ZIC3: variants seen among roughly 807,000 people sequenced by gnomAD.
ZIC3 encodes zinc finger protein ZIC 3.
ZIC3 carries 6 observed loss-of-function variants against 18.3 expected under a neutral mutation model. That is an observed-to-expected ratio of 0.33 (90% confidence interval 0.18 to 0.65). The LOEUF (loss-of-function observed/expected upper bound fraction) is 0.65. Among genes scored for constraint, ZIC3 ranks in the 30% least tolerant of loss-of-function variants. ZIC3 has a pLI of 0.75. For synonymous variants in ZIC3, 175 were observed against 177.0 expected, an observed-to-expected ratio of 0.99 and a Z score of 0.09; for missense variants, 260 against 410.0, an observed-to-expected ratio of 0.63 and a Z score of 3.16.
At chrX:137,572,896 T>TTA (rs1217941291), downstream of ZIC3, among the ~76,000 whole-genome samples, 7 of 111,409 alleles carry the variant, frequency 6.3e-5, no homozygotes, top group African/African-American at 2.3e-4. Context: ...TGAAAAACAA[T>TTA]TATGATAACC....
downstream of ZIC3, chrX:137,574,144 G>T (rs1321998825): frequency 8.8e-6 from 1 of 113,633 alleles, no homozygotes; most frequent in Non-Finnish European, 1.9e-5. Flanking sequence ...CCACTGCGTA[G>T]CGCTGGCCGC....
At chrX:137,577,271 A>G (rs887794279) in exon 3 of ZIC3, 1 of 514,883 alleles carries the variant, frequency 1.9e-6, no homozygotes, top group South Asian at 2.6e-5. Context: ...TGATTTACTG[A>G]TGAGGTTTCA....
chrX:137,574,502 C>T (rs780194240), downstream of ZIC3, among the ~76,000 whole-genome samples: 3 of 113,596 alleles, frequency 2.6e-5, no homozygotes, highest in South Asian at 1.1e-3. Context: ...CAACCCCTCC[C>T]CCGCTTCCCC....
At chrX:137,576,711 C>T (rs774212246), downstream of ZIC3, among the ~76,000 whole-genome samples, 30 of 112,430 alleles carry the variant, frequency 2.7e-4, no homozygotes, top group Admixed American at 1.6e-3. Flanking sequence ...ATTAGAGAAA[C>T]TTGTTTCAAA....
chrX:137,572,886 T>C (rs1279508540), downstream of ZIC3, among the ~76,000 whole-genome samples: 1 of 111,592 alleles, frequency 9.0e-6, no homozygotes, highest in Non-Finnish European at 1.9e-5. Flanking sequence ...ATCAATTAAA[T>C]GAAAAACAAT....
chrX:137,577,271 A>T (rs887794279), exon 3 of ZIC3: 2 of 513,040 alleles, frequency 3.9e-6, no homozygotes, highest in African/African-American at 2.3e-5. Flanking sequence ...TGATTTACTG[A>T]TGAGGTTTCA....
At chrX:137,569,140 C>G in intron 2 of ZIC3, 75 bp downstream of exon 2, 6 of 1,121,784 alleles carry the variant, frequency 5.3e-6, no homozygotes, top group Non-Finnish European at 7.3e-6. Flanking sequence ...CGGAAGCGCC[C>G]GCGCTGCCAA....
chrX:137,574,983 G>A (rs1359466417), downstream of ZIC3, among the ~76,000 whole-genome samples: 1 of 111,647 alleles, frequency 9.0e-6, no homozygotes, highest in Non-Finnish European at 1.9e-5. Context: ...TTGGGTTTGG[G>A]GTTCCCATGG....
In ZIC3 at chrX:137,566,960, A is replaced by AT. The variant is rs1252399069; in HGVS notation, c.269_270insT (p.His91ProfsTer39). On this transcript the variant is annotated frameshift_variant, in exon 1 of 3. Transcript: ENST00000287538. LOFTEE classifies it high-confidence loss of function. ...GCCAACGCCCTGGGCCACCATCACC[A>AT]CCACCATCACCATCATCACCACACC... is the stretch of plus-strand genomic sequence containing the variant. The AT allele has an allele frequency of 6.0e-6, 7 of 1,165,666 alleles. No individual in the cohort carries two copies. The African/African-American group carries it at 1.2e-4, about 21-fold the overall frequency.
rs1685669875 is a variant in ZIC3 at position 137,570,384 on chromosome X, T to G, written c.*314T>G. 1 of 291,733 alleles carries G rather than the reference T, an allele frequency of 3.4e-6. No individual in the cohort carries two copies. Among genetic ancestry groups the G allele is most frequent in the African/African-American group, 2.7e-5 (1 of 37,232 alleles). 24.0% of individuals were successfully genotyped at this position (291,733 alleles called of 1,213,427 possible). A position where few individuals can be genotyped will look rare whatever the true frequency, so the allele number is the denominator to read the frequency against. On this transcript the variant is annotated 3_prime_UTR_variant, in exon 3 of 3. Transcript: ENST00000287538. Reference sequence around the variant, plus strand: ...CAATTCATTTTAACACTTGTCCTGTTTCTTGAGAGGAAGTTATAGAAGGCT... The same window carrying G: ...CAATTCATTTTAACACTTGTCCTGTGTCTTGAGAGGAAGTTATAGAAGGCT...
At chrX:137,572,381 T>G (rs1456871920), downstream of ZIC3, among the ~76,000 whole-genome samples, 2 of 111,883 alleles carry the variant, frequency 1.8e-5, no homozygotes, top group Non-Finnish European at 3.8e-5. Flanking sequence ...TGAACAGAGA[T>G]TGGGATGACT....
Position 137,570,187 on chromosome X carries a change from C to T in ZIC3, c.*117C>T, listed in dbSNP as rs1362374747. ...CAAGAGGCCATATATAGGGCTACAT[C>T]TTGTTAATTGCAATTGTCCAGGAAG... is the stretch of plus-strand genomic sequence containing the variant. On this transcript the variant is annotated 3_prime_UTR_variant, in exon 3 of 3. Coordinates refer to ENST00000287538, the MANE Select transcript of ZIC3 (RefSeq NM_003413.4). 2 of 878,397 alleles carry T rather than the reference C, an allele frequency of 2.3e-6. No homozygotes were observed. Among genetic ancestry groups the T allele is most frequent in the Non-Finnish European group, 3.3e-6 (2 of 602,157 alleles). 72.4% of individuals were successfully genotyped at this position (878,397 alleles called of 1,213,427 possible). A position where few individuals can be genotyped will look rare whatever the true frequency, so the allele number is the denominator to read the frequency against.
rs1210363439 is a variant in ZIC3, at chrX:137,571,241, TTTA to T, written c.*1175_*1177del. ...TACTGAATTTTATGTCCCTTAGTTC[TTTA>T]TTACCTTACATAAAAATGAAAATTG... On this transcript the variant is annotated 3_prime_UTR_variant, in exon 3 of 3. Coordinates refer to ENST00000287538, the MANE Select transcript of ZIC3 (RefSeq NM_003413.4). 3 of 112,592 alleles carry T rather than the reference TTTA, an allele frequency of 2.7e-5. No individual in the cohort carries two copies. The highest frequency in any genetic ancestry group is 5.6e-5 in the Non-Finnish European group (3 of 53,274). 9.3% of individuals were successfully genotyped at this position (112,592 alleles called of 1,213,427 possible).
Position 137,571,092 on chromosome X carries a change from G to A in ZIC3, c.*1022G>A, listed in dbSNP as rs192578428. 14 of 112,044 alleles carry A rather than the reference G, an allele frequency of 1.2e-4. No individual in the cohort carries two copies. Among genetic ancestry groups the A allele is most frequent in the African/African-American group, 3.3e-4 (10 of 30,767 alleles). The allele number at this position is 112,044 out of a possible 1,213,427, so 9.2% of individuals were successfully genotyped here. On this transcript the variant is annotated 3_prime_UTR_variant, in exon 3 of 3. Coordinates refer to ENST00000287538, the MANE Select transcript of ZIC3 (RefSeq NM_003413.4). Reference sequence around the variant, plus strand: ...TTAAATGTGTTTGTCCTGGATTTTCGGCATGCAAATCAAATATTACTGATC... The same window carrying A: ...TTAAATGTGTTTGTCCTGGATTTTCAGCATGCAAATCAAATATTACTGATC...
chrX:137,567,181 G>A lies in ZIC3; in HGVS notation c.490G>A (p.Gly164Arg), dbSNP rs1490593064. The change falls in exon 1 of 3, where the codon GGG (glycine) becomes AGG (arginine). Residue 164 changes from glycine to arginine, a missense_variant. Transcript: ENST00000287538. Reference sequence around the variant, plus strand: ...GCCCCCTAGCTACTTGCTGTTTCCCGGGCTGCATGAGCAGGGCGCTGGGCA... The same window carrying A: ...GCCCCCTAGCTACTTGCTGTTTCCCAGGCTGCATGAGCAGGGCGCTGGGCA... ...PEPPSYLLFP[G>R]LHEQGAGHPS... 2 of 1,206,921 alleles carry A rather than the reference G, an allele frequency of 1.7e-6. No individual in the cohort carries two copies. The highest frequency in any genetic ancestry group is 3.5e-5 in the African/African-American group (2 of 57,315).
rs10126585 is a variant in ZIC3 at position 137,567,603 on chromosome X, G to T, written c.912G>T (p.Arg304=). ...TCTGCTACTGGGAGGAGTGCCCCCG[G>T]GAGGGCAAGTCTTTCAAGGCGAAGT... The part of the protein sequence containing the change: ...NHVCYWEECP[R]EGKSFKAKYK... Residue 304 remains arginine, a synonymous_variant, in exon 1 of 3, where the codon CGG becomes CGT. Coordinates refer to ENST00000287538, the MANE Select transcript of ZIC3 (RefSeq NM_003413.4). 4.9e-6 allele frequency: 6 copies of T among 1,212,413 alleles called. No homozygotes were observed. Among genetic ancestry groups the T allele is most frequent in the Non-Finnish European group, 6.7e-6 (6 of 895,662 alleles).
chrX:137,570,239 A>G lies in ZIC3; in HGVS notation c.*169A>G, dbSNP rs977354995. On this transcript the variant is annotated 3_prime_UTR_variant, in exon 3 of 3. Transcript: ENST00000287538. Reference sequence around the variant, plus strand: ...TTTTGGGCAAGATCCAAAAGTAGCCATGCCCTTTTCTCAGGATAGAAAATA... The same window carrying G: ...TTTTGGGCAAGATCCAAAAGTAGCCGTGCCCTTTTCTCAGGATAGAAAATA... 7.0e-6 allele frequency: 4 copies of G among 575,271 alleles called. No individual in the cohort carries two copies. Among genetic ancestry groups the G allele is most frequent in the African/African-American group, 6.9e-5 (3 of 43,668 alleles). The allele number at this position is 575,271 out of a possible 1,213,427, so 47.4% of individuals were successfully genotyped here. A position where few individuals can be genotyped will look rare whatever the true frequency, so the allele number is the denominator to read the frequency against.
chrX:137,573,156 A>C (rs1023082687), downstream of ZIC3, among the ~76,000 whole-genome samples: 64 of 69,143 alleles, frequency 9.3e-4, no homozygotes, highest in African/African-American at 2.3e-3. Flanking sequence ...AAAAAAAAAA[A>C]AAAACCAAAC....
At chrX:137,577,077 G>A (rs1367715934), downstream of ZIC3, 2 of 456,466 alleles carry the variant, frequency 4.4e-6, no homozygotes, top group East Asian at 7.8e-5. Flanking sequence ...AGGAAATGTG[G>A]CCTGTTTTGA....
Sources: allele counts gnomAD v4.1 joint callset (sites outside exome capture counted in the v4.1 genomes callset), GRCh38; gene constraint gnomAD v4.1.1; transcripts MANE v1.5; gene names NCBI Gene and HGNC (gene_info 2026-07-23, HGNC 2026-07-21).